Variants in SLC2A13 observed in about 807,000 individuals in gnomAD.
SLC2A13 encodes the protein solute carrier family 2 member 13.
A neutral mutation model predicts 64.4 loss-of-function variants in SLC2A13; 32 were observed. That is an observed-to-expected ratio of 0.50 (90% CI 0.37 to 0.67). SLC2A13 has a LOEUF of 0.67. Among genes scored for constraint, SLC2A13 ranks in the 30% least tolerant of loss-of-function variants. The probability of loss-of-function intolerance (pLI) is 0.00; values close to 1 mark genes in which losing one functional copy is unlikely to be tolerated. For synonymous variants in SLC2A13, 338 were observed against 327.1 expected, an observed-to-expected ratio of 1.03 and a Z score of -0.36; for missense variants, 743 against 829.2, an observed-to-expected ratio of 0.90 and a Z score of 1.28.
intron 2 of SLC2A13, among the ~76,000 whole-genome samples, chr12:40,047,675 T>G (rs986635481): frequency 2.6e-5 from 4 of 152,210 alleles, no homozygotes; most frequent in Non-Finnish European, 5.9e-5. Flanking sequence ...GCTTCCAGAA[T>G]GCAAAAAGGA....
intron 4 of SLC2A13, among the ~76,000 whole-genome samples, chr12:39,927,433 C>T (rs1257192873): frequency 2.6e-5 from 4 of 151,886 alleles, no homozygotes; most frequent in African/African-American, 9.7e-5. Flanking sequence ...TTTTTTTCCC[C>T]CAAATGTCAT....
intron 1 of SLC2A13, among the ~76,000 whole-genome samples, chr12:40,058,131 A>C (rs1489438835): frequency 6.6e-6 from 1 of 152,044 alleles, no homozygotes; most frequent in Admixed American, 6.6e-5. Context: ...TATAGTAAAA[A>C]CTTAACGAAG....
At chr12:39,765,729 ATTATT>A (rs1209535046) in intron 7 of SLC2A13, among the ~76,000 whole-genome samples, 6 of 152,226 alleles carry the variant, frequency 3.9e-5, no homozygotes, top group South Asian at 4.1e-4. Context: ...ATTTAAAAAA[ATTATT>A]TTATTTAAGT....
At chr12:39,798,915 A>G (rs1225589995) in intron 7 of SLC2A13, among the ~76,000 whole-genome samples, 1 of 151,862 alleles carries the variant, frequency 6.6e-6, no homozygotes, top group Admixed American at 6.6e-5. Context: ...ACAGCTTTAT[A>G]ATTATACATT....
intron 3 of SLC2A13, among the ~76,000 whole-genome samples, chr12:39,979,907 T>G (rs1946855935): frequency 7.3e-6 from 1 of 137,910 alleles, no homozygotes; most frequent in Non-Finnish European, 1.6e-5. Flanking sequence ...GAAAAAATGT[T>G]AAGGGCAGCC....
At chr12:40,029,274 T>A (rs540510159) in intron 2 of SLC2A13, among the ~76,000 whole-genome samples, 2 of 152,268 alleles carry the variant, frequency 1.3e-5, no homozygotes, top group South Asian at 4.2e-4. Flanking sequence ...CAAATTATGA[T>A]CACCAGACTG....
chr12:39,978,728 C>A (rs897611278), intron 3 of SLC2A13, among the ~76,000 whole-genome samples: 5 of 152,166 alleles, frequency 3.3e-5, no homozygotes, highest in Non-Finnish European at 7.4e-5. Context: ...AACTGCAAGG[C>A]GGCAGCAAGG....
Position 40,105,316 on chromosome 12 carries a change from G to C in SLC2A13, c.493C>G (p.Leu165Val). The C allele has an allele frequency of 6.2e-7, 1 of 1,600,410 alleles. No individual in the cohort carries two copies. The highest frequency in any genetic ancestry group is 8.5e-7 in the Non-Finnish European group (1 of 1,175,268). ...GTCTCCTTGTTGTTGGCCGCAGCCA[G>C]CACCGCGGAGCCGGCGGTGAAGAGG... Reference protein sequence around the residue: ...SALFTAGSAVLAAANNKETLL... With the variant: ...SALFTAGSAVVAAANNKETLL... The change falls in exon 1 of 10, where the codon CTG becomes GTG. Residue 165 changes from leucine to valine, a missense_variant. This residue lies in a region of SLC2A13 where 448 missense variants were observed against 447.4 expected (regional missense o/e 1.00). Transcript: ENST00000280871. This position sits in a 1 kb window ranked among gnomAD's most constrained non-coding sequence, Gnocchi z 4.2.
chr12:39,996,164 A>AT (rs1947226133), intron 3 of SLC2A13, among the ~76,000 whole-genome samples: 1 of 152,208 alleles, frequency 6.6e-6, no homozygotes, highest in Non-Finnish European at 1.5e-5. Flanking sequence ...TTATTGCGGA[A>AT]TGGAGTAAAG....
chr12:39,980,716 A>T (rs374329785), intron 3 of SLC2A13, among the ~76,000 whole-genome samples: 10 of 152,012 alleles, frequency 6.6e-5, no homozygotes, highest in Non-Finnish European at 1.2e-4. Flanking sequence ...CTCCCACACA[A>T]TAATAATGGG....
At chr12:39,848,390 T>G (rs1943376832) in intron 6 of SLC2A13, among the ~76,000 whole-genome samples, 2 of 152,022 alleles carry the variant, frequency 1.3e-5, no homozygotes, top group Non-Finnish European at 2.9e-5. Flanking sequence ...TCTCAAAAGA[T>G]GACATACGTG....
At chr12:39,960,634 C>T (rs185563869) in intron 3 of SLC2A13, among the ~76,000 whole-genome samples, 325 of 152,242 alleles carry the variant, frequency 2.1e-3, no homozygotes, top group Middle Eastern at 0.017. Flanking sequence ...CCCACCTCAA[C>T]CTCCAAAGTG....
chr12:40,057,111 C>T (rs1327381514), intron 1 of SLC2A13, among the ~76,000 whole-genome samples: 2 of 151,942 alleles, frequency 1.3e-5, no homozygotes, highest in Non-Finnish European at 2.9e-5. Flanking sequence ...TAAAAACACA[C>T]GAATTTAATA....
At chr12:39,839,092 A>C (rs1943108580) in intron 6 of SLC2A13, among the ~76,000 whole-genome samples, 1 of 151,954 alleles carries the variant, frequency 6.6e-6, no homozygotes, top group South Asian at 2.1e-4. Flanking sequence ...CTTTCCCCTA[A>C]CAGCTATTCC....
At chr12:39,991,676 A>C (rs967982376) in intron 3 of SLC2A13, among the ~76,000 whole-genome samples, 1 of 152,164 alleles carries the variant, frequency 6.6e-6, no homozygotes, top group Non-Finnish European at 1.5e-5. Flanking sequence ...CACAGCATCA[A>C]TTCAGGGCAA....
At position 40,003,561 on chromosome 12, in the gene SLC2A13, A is replaced by G. The variant is rs575016370; in HGVS notation, c.925+24740T>C. 4.6e-5 allele frequency among the ~76,000 whole-genome samples: 7 copies of G among 152,276 alleles called. No individual in the cohort carries two copies. In the East Asian group the frequency reaches 9.7e-4, roughly 21 times the overall value. ...AGCTAAATCTGTTGGTTCCCTATCA[A>G]CGTGTATTACTGAAGGGACTAATGA... On this transcript the variant is annotated intron_variant, in intron 3 of 9. Transcript: ENST00000280871.
intron 2 of SLC2A13, among the ~76,000 whole-genome samples, chr12:40,036,018 TC>T (rs1406586137): frequency 2.0e-5 from 3 of 152,082 alleles, no homozygotes; most frequent in Admixed American, 6.6e-5. Flanking sequence ...TATCCTTTTT[TC>T]CCCCCAAACT....
chr12:39,994,406 A>C (rs905145172), intron 3 of SLC2A13, among the ~76,000 whole-genome samples: 20 of 151,764 alleles, frequency 1.3e-4, no homozygotes, highest in Middle Eastern at 3.2e-3. Flanking sequence ...ACAAAAAAAA[A>C]CTAATCTCAC....
rs112842900 is a variant in SLC2A13 at position 40,019,306 on chromosome 12, A to T, written c.925+8995T>A. Among the ~76,000 whole-genome samples, 433 of 152,284 alleles carry T rather than the reference A, an allele frequency of 2.8e-3. 3 individuals carry two copies. Among genetic ancestry groups the T allele is most frequent in the African/African-American group, 9.4e-3 (391 of 41,562 alleles). On this transcript the variant is annotated intron_variant, in intron 3 of 9. Coordinates refer to ENST00000280871, the MANE Select transcript of SLC2A13 (RefSeq NM_052885.4). The stretch of plus-strand genomic sequence containing the variant: ...TTTCCTTTCAGAAAAGGATATTCTT[A>T]AGGACATTTGATTGTTAGGTTCTAA...
Sources: gnomAD v4.1 joint callset for allele counts (sites outside exome capture counted in the v4.1 genomes callset) on GRCh38, gnomAD v4.1.1 for gene constraint, gnomAD v4.1.1 regional missense constraint, Gnocchi (gnomAD v3.1) non-coding constraint, MANE v1.5 for transcripts, NCBI Gene and HGNC (gene_info 2026-07-23, HGNC 2026-07-21) for gene names.